The following DYTN variants were observed in gnomAD, a reference collection of about 807,000 sequenced individuals.
The protein encoded by DYTN is dystrotelin.
A neutral mutation model predicts 69.6 loss-of-function variants in DYTN; 75 were observed. That is an observed-to-expected ratio of 1.08 (90% confidence interval 0.89 to 1.31). DYTN has a LOEUF of 1.31. Ranked by LOEUF, DYTN falls within the 50% of genes most tolerant of loss-of-function variation. The pLI is 0.00. For missense variants in DYTN, 726 were observed against 688.4 expected (o/e 1.05, Z -0.61); for synonymous variants, 252 against 249.1 (o/e 1.01, Z -0.11).
intron 9 of DYTN, among the ~76,000 whole-genome samples, chr2:206,668,850 C>T (rs1699601562): frequency 4.6e-5 from 7 of 151,896 alleles, no homozygotes; most frequent in South Asian, 2.1e-4. Context: ...GAGTGAGTCT[C>T]ACGAGATCTG....
chr2:206,685,299 C>A (rs1699793754), intron 9 of DYTN, among the ~76,000 whole-genome samples: 1 of 151,784 alleles, frequency 6.6e-6, no homozygotes. Flanking sequence ...ATAGCGGGAA[C>A]CACAGGCGTG....
intron 9 of DYTN, among the ~76,000 whole-genome samples, chr2:206,683,813 C>T (rs1235967195): frequency 6.6e-6 from 1 of 152,044 alleles, no homozygotes; most frequent in African/African-American, 2.4e-5. Context: ...TTTGCAGTGT[C>T]CTTTTCTCAG....
At chr2:206,709,870 C>T (rs1359025650) in intron 2 of DYTN, among the ~76,000 whole-genome samples, 1 of 152,014 alleles carries the variant, frequency 6.6e-6, no homozygotes, top group African/African-American at 2.4e-5. Context: ...TTATTTTTCA[C>T]CTTGGAAAAT....
chr2:206,704,725 A>C, intron 5 of DYTN, 118 bp downstream of exon 5: 2 of 811,536 alleles, frequency 2.5e-6, no homozygotes. Context: ...TGGAGGAGAG[A>C]GCTTGCATGG....
Position 206,657,189 on chromosome 2 carries a change from C to T in DYTN, c.1634-5268G>A, listed in dbSNP as rs774474945. ...GGAGTGCAGTGGTGTGATTAGCTCA[C>T]TGTAACCTCAAACACCAAGGCTCAA... On this transcript the variant is annotated intron_variant, in intron 11 of 11. Coordinates refer to ENST00000452335, the MANE Select transcript of DYTN (RefSeq NM_001093730.1). 3.5e-4 allele frequency among the ~76,000 whole-genome samples: 54 copies of T among 152,136 alleles called. 2 individuals are homozygous for T. The highest frequency in any genetic ancestry group is 9.8e-4 in the Admixed American group (15 of 15,280).
chr2:206,662,662 A>G (rs1043785218), intron 11 of DYTN, among the ~76,000 whole-genome samples: 1 of 151,638 alleles, frequency 6.6e-6, no homozygotes, highest in African/African-American at 2.4e-5. Context: ...CTGAATGCTC[A>G]CTATATGCCA....
intron 5 of DYTN, among the ~76,000 whole-genome samples, chr2:206,702,535 A>G (rs1238245753): frequency 6.6e-6 from 1 of 151,828 alleles, no homozygotes; most frequent in Non-Finnish European, 1.5e-5. Context: ...GTAAGTAACT[A>G]CTCCCTATGT....
At position 206,704,990 on chromosome 2, in the gene DYTN, A is replaced by G. The variant is rs186499304; in HGVS notation, c.383-47T>C. On this transcript the variant is annotated intron_variant, in intron 4 of 11. Transcript: ENST00000452335. ...TCTTTAAATTGAATACTTGCAATGTATCTTTGAAGAGTACTTGCTTTGAAG... is the reference window on the plus strand; with the variant it reads ...TCTTTAAATTGAATACTTGCAATGTGTCTTTGAAGAGTACTTGCTTTGAAG... The G allele has an allele frequency of 2.3e-4, 332 of 1,462,438 alleles. 1 individual carries two copies. The African/African-American group carries it at 4.0e-3, about 18-fold the overall frequency. The allele number at this position is 1,462,438 out of a possible 1,614,324, so 90.6% of individuals were successfully genotyped here.
chr2:206,705,125 T>C, intron 4 of DYTN, 182 bp from the exon 5 acceptor site: 1 of 595,342 alleles, frequency 1.7e-6, no homozygotes, highest in South Asian at 2.1e-5. Flanking sequence ...AAATGAGGTT[T>C]TGTTCCTGTT....
chr2:206,700,364 C>A (rs762881964), intron 5 of DYTN, 148 bp from the exon 6 acceptor site: 57 of 818,538 alleles, frequency 7.0e-5, no homozygotes, highest in Non-Finnish European at 1.0e-4. Context: ...TCCAAGAGAA[C>A]AAAGAAATGC....
chr2:206,697,263 G>GT (rs1320034810), intron 7 of DYTN, among the ~76,000 whole-genome samples: 2 of 152,148 alleles, frequency 1.3e-5, no homozygotes, highest in South Asian at 2.1e-4. Flanking sequence ...TGTTGTTGAT[G>GT]TTTTTTACCA....
chr2:206,655,247 A>T (rs1421154562), intron 11 of DYTN, among the ~76,000 whole-genome samples: 2 of 140,842 alleles, frequency 1.4e-5, no homozygotes. Context: ...TGATTGTGTG[A>T]TTTTTTTTTT....
chr2:206,674,440 A>C (rs1699661217), intron 9 of DYTN, among the ~76,000 whole-genome samples: 1 of 152,154 alleles, frequency 6.6e-6, no homozygotes, highest in Non-Finnish European at 1.5e-5. Context: ...CAAATAAAAA[A>C]TTTATGAAAC....
chr2:206,668,664 T>C (rs13014672), intron 9 of DYTN, among the ~76,000 whole-genome samples: 3,294 of 152,332 alleles, frequency 0.022, 48 homozygotes, highest in Middle Eastern at 0.054. Context: ...AAGCTAATCA[T>C]GCCCAAAGCA....
intron 3 of DYTN, among the ~76,000 whole-genome samples, chr2:206,706,296 C>A (rs1335614470): frequency 6.6e-6 from 1 of 152,120 alleles, no homozygotes; most frequent in Non-Finnish European, 1.5e-5. Flanking sequence ...TTCACAGGCC[C>A]TCACTCAGAG....
chr2:206,666,315 TA>T (rs1699572098), intron 9 of DYTN, among the ~76,000 whole-genome samples: 1 of 152,188 alleles, frequency 6.6e-6, no homozygotes. Context: ...CATGCCTGGC[TA>T]TTGGAAAACC....
rs1700018328 is a variant in DYTN at position 206,705,721 on chromosome 2, T to C, written c.382+67A>G. ...CTGAAGAGGCCTTGTGGCAGGGATA[T>C]AGGATAACAGGTTGGGGATTTGGGG... On this transcript the variant is annotated intron_variant, in intron 4 of 11. Coordinates refer to ENST00000452335, the MANE Select transcript of DYTN (RefSeq NM_001093730.1). 3 of 1,443,016 alleles carry C rather than the reference T, an allele frequency of 2.1e-6. No individual in the cohort carries two copies. In the South Asian group the frequency reaches 3.6e-5, roughly 17 times the overall value. The allele number at this position is 1,443,016 out of a possible 1,614,324, so 89.4% of individuals were successfully genotyped here.
chr2:206,666,763 GTGTGTGT>G (rs1699576764), intron 9 of DYTN, among the ~76,000 whole-genome samples: 1 of 146,406 alleles, frequency 6.8e-6, no homozygotes, highest in Non-Finnish European at 1.5e-5. Context: ...GTGTGTGTGT[GTGTGTGT>G]TATCTTAGTG....
At chr2:206,696,897 A>ATT (rs1332708972) in intron 7 of DYTN, among the ~76,000 whole-genome samples, 18 of 152,166 alleles carry the variant, frequency 1.2e-4, no homozygotes, top group Non-Finnish European at 1.5e-4. Flanking sequence ...TTTTCAATGA[A>ATT]CATTAGTTGA....
Sources: gnomAD v4.1 joint callset for allele counts (sites outside exome capture counted in the v4.1 genomes callset) on GRCh38, gnomAD v4.1.1 for gene constraint, MANE v1.5 for transcripts, NCBI Gene and HGNC (gene_info 2026-07-23, HGNC 2026-07-21) for gene names.